Variants in CIMIP2A observed in about 807,000 individuals in gnomAD.
CIMIP2A encodes the protein ciliary microtubule inner protein 2A.
chr9:137,249,275 AG>A, the CIMIP2A span, among the ~76,000 whole-genome samples: 575 of 152,350 alleles, frequency 3.8e-3, 13 homozygotes, highest in Admixed American at 0.026. Flanking sequence ...TACTGCCGGC[AG>A]GGTCACAGTG....
chr9:137,247,689 G>A, the CIMIP2A span: 5 of 1,613,478 alleles, frequency 3.1e-6, no homozygotes, highest in Non-Finnish European at 4.2e-6. Context: ...CCGGCGTGAA[G>A]AGATCGTGTT....
the CIMIP2A span, chr9:137,252,480 C>T: frequency 5.6e-6 from 9 of 1,610,026 alleles, no homozygotes; most frequent in African/African-American, 2.7e-5. Context: ...GGTTCCAGAG[C>T]GAAAGCCCCT....
chr9:137,252,479 G>T, the CIMIP2A span: 1 of 1,610,632 alleles, frequency 6.2e-7, no homozygotes, highest in South Asian at 1.1e-5. Flanking sequence ...TGGTTCCAGA[G>T]CGAAAGCCCC....
the CIMIP2A span, among the ~76,000 whole-genome samples, chr9:137,246,920 G>T: frequency 6.6e-6 from 1 of 152,072 alleles, no homozygotes; most frequent in Non-Finnish European, 1.5e-5. Context: ...TTCCGTAGAG[G>T]GGTTACTTTT....
the CIMIP2A span, chr9:137,244,050 G>A: frequency 1.8e-6 from 2 of 1,111,730 alleles, no homozygotes; most frequent in African/African-American, 1.5e-5. Flanking sequence ...CCCAACCAAG[G>A]TGGGACCCTG....
At chr9:137,247,596 C>G in the CIMIP2A span, 1 of 1,504,446 alleles carries the variant, frequency 6.6e-7, no homozygotes, top group Non-Finnish European at 9.2e-7. Context: ...ATGCCTCAGG[C>G]CCCAGCCATT....
At chr9:137,253,072 G>C in the CIMIP2A span, 1 of 1,541,580 alleles carries the variant, frequency 6.5e-7, no homozygotes, top group Non-Finnish European at 8.8e-7. Flanking sequence ...GTTTGAGTTG[G>C]GGCTGCTACC....
the CIMIP2A span, chr9:137,253,322 C>T: frequency 1.9e-6 from 3 of 1,552,640 alleles, no homozygotes; most frequent in Non-Finnish European, 2.6e-6. Context: ...CCAGGCCTCC[C>T]CTGGGACTTG....
At chr9:137,251,463 T>TG in the CIMIP2A span, 36 of 1,151,180 alleles carry the variant, frequency 3.1e-5, 1 homozygote, top group South Asian at 4.8e-5. Flanking sequence ...AGGGACAGTG[T>TG]GGGGGGCAGG....
chr9:137,251,112 C>A, the CIMIP2A span: 1 of 617,714 alleles, frequency 1.6e-6, no homozygotes, highest in South Asian at 1.8e-5. Flanking sequence ...CTGGCCCAGG[C>A]GGACCCGCTG....
At chr9:137,243,770 G>T in the CIMIP2A span, 12 of 1,613,936 alleles carry the variant, frequency 7.4e-6, no homozygotes, top group African/African-American at 1.5e-4. Context: ...GAATGTCAGG[G>T]CGTAGTTGTC....
the CIMIP2A span, chr9:137,253,449 T>TC: frequency 4.8e-5 from 69 of 1,438,580 alleles, 1 homozygote; most frequent in Non-Finnish European, 6.2e-5. Context: ...TCTGCCCATC[T>TC]CCCCGCTACA....
At chr9:137,253,025 A>G in the CIMIP2A span, 4 of 1,030,864 alleles carry the variant, frequency 3.9e-6, no homozygotes, top group East Asian at 1.4e-4. Context: ...ATGTGAGGAC[A>G]AGGGTTCAGG....
At chr9:137,243,835 C>T in the CIMIP2A span, 1 of 1,584,922 alleles carries the variant, frequency 6.3e-7, no homozygotes. Context: ...GTGCCCAGGA[C>T]CAGCATGGGC....
chr9:137,253,589 T>A, the CIMIP2A span: 3 of 1,094,280 alleles, frequency 2.7e-6, no homozygotes, highest in Non-Finnish European at 1.2e-6. Flanking sequence ...TCCATTCAGC[T>A]GCCCCTGAAA....
At chr9:137,252,147 CT>C in the CIMIP2A span, 11 of 1,600,118 alleles carry the variant, frequency 6.9e-6, no homozygotes, top group Non-Finnish European at 8.5e-6. Flanking sequence ...TGTGTGTCCC[CT>C]CCCTGAGGCC....
At chr9:137,244,495 C>T in the CIMIP2A span, 2 of 1,498,208 alleles carry the variant, frequency 1.3e-6, no homozygotes, top group East Asian at 2.5e-5. Flanking sequence ...GGGGCGGCAC[C>T]TCCGGGGACA....
the CIMIP2A span, among the ~76,000 whole-genome samples, chr9:137,247,338 C>T: frequency 1.1e-3 from 175 of 152,350 alleles, no homozygotes; most frequent in African/African-American, 4.1e-3. Context: ...CTGGAGTGGG[C>T]GTCGGGCACT....
At chr9:137,244,612 G>A in the CIMIP2A span, 3 of 1,611,432 alleles carry the variant, frequency 1.9e-6, no homozygotes, top group East Asian at 2.2e-5. Flanking sequence ...TGTGTGAGCT[G>A]GGAGCAGGCC....
Sources: gnomAD v4.1 joint callset for allele counts (sites outside exome capture counted in the v4.1 genomes callset) on GRCh38, gnomAD v4.1.1 for gene constraint, MANE v1.5 for transcripts, NCBI Gene and HGNC (gene_info 2026-07-23, HGNC 2026-07-21) for gene names.